CDH12: variants seen among roughly 807,000 people sequenced by gnomAD.
CDH12 encodes cadherin 12, also known as cadherin-12.
In CDH12, 41 loss-of-function variants were observed where a neutral mutation model predicts 74.1. The observed-to-expected ratio is 0.55, with a 90% confidence interval of 0.43 to 0.72. The LOEUF is 0.72. CDH12 is among the 30% of genes least tolerant of loss of function. The pLI is 0.00. For missense variants in CDH12, 945 were observed against 977.2 expected (o/e 0.97, Z 0.44); for synonymous variants, 399 against 355.0 (o/e 1.12, Z -1.39).
intron 6 of CDH12, among the ~76,000 whole-genome samples, chr5:21,960,079 C>T (rs1756287836): frequency 1.3e-5 from 2 of 152,086 alleles, no homozygotes; most frequent in African/African-American, 4.8e-5. Flanking sequence ...GGCTCCCACA[C>T]AATAATAGTA....
At chr5:22,231,293 A>C (rs1313260201) in intron 3 of CDH12, among the ~76,000 whole-genome samples, 1 of 152,122 alleles carries the variant, frequency 6.6e-6, no homozygotes, top group South Asian at 2.1e-4. Flanking sequence ...ATTGGCTCAA[A>C]TTTATTCCCA....
intron 2 of CDH12, among the ~76,000 whole-genome samples, chr5:22,495,980 C>T (rs544385471): frequency 6.6e-6 from 1 of 152,140 alleles, no homozygotes; most frequent in Admixed American, 6.6e-5. Flanking sequence ...ACTGTTCTAA[C>T]TTTCAGAAAT....
intron 6 of CDH12, among the ~76,000 whole-genome samples, chr5:21,954,480 T>C (rs937505534): frequency 6.6e-6 from 1 of 152,132 alleles, no homozygotes; most frequent in African/African-American, 2.4e-5. Flanking sequence ...ATCCTGACTT[T>C]ATTCTTTATG....
intron 5 of CDH12, among the ~76,000 whole-genome samples, chr5:21,993,056 G>C (rs548373410): frequency 6.6e-6 from 1 of 152,188 alleles, no homozygotes; most frequent in South Asian, 2.1e-4. Flanking sequence ...AGAACGATGA[G>C]GGGGACATCT....
chr5:22,059,269 A>ATCTG (rs968260296), intron 5 of CDH12, among the ~76,000 whole-genome samples: 7 of 150,434 alleles, frequency 4.7e-5, no homozygotes. Flanking sequence ...CTATCTATCT[A>ATCTG]TCTATCTATC....
Position 22,099,082 on chromosome 5 carries a change from C to A in CDH12, c.-186-20220G>T, listed in dbSNP as rs56377560. ...TGGCAAATTAGCTTTACTCAACATG[C>A]CCCAAGTCAGAAAACTAAAATACCT... On this transcript the variant is annotated intron_variant, in intron 4 of 14. Transcript: ENST00000382254. Among the ~76,000 whole-genome samples, 1,288 of 152,218 alleles carry A rather than the reference C, an allele frequency of 8.5e-3. 9 individuals are homozygous for A. The highest frequency in any genetic ancestry group is 0.017 in the East Asian group (86 of 5,158).
intron 2 of CDH12, among the ~76,000 whole-genome samples, chr5:22,445,214 A>C (rs950781803): frequency 2.0e-5 from 3 of 152,108 alleles, no homozygotes; most frequent in Non-Finnish European, 4.4e-5. Context: ...TTTCTTCAGA[A>C]TGCTGAACCT....
Position 22,281,236 on chromosome 5 carries a change from G to A in CDH12, c.-332-68593C>T, listed in dbSNP as rs145896679. On this transcript the variant is annotated intron_variant, in intron 3 of 14. Transcript: ENST00000382254. ...GTGGGACGTTATCTCAAAATAATAA[G>A]AGCTATTTATGACAAACCCACAGCC... Among the ~76,000 whole-genome samples, 1,102 of 152,186 alleles carry A rather than the reference G, an allele frequency of 7.2e-3. 16 individuals are homozygous for A. Among genetic ancestry groups the A allele is most frequent in the African/African-American group, 0.026 (1,059 of 41,508 alleles).
chr5:22,218,522 T>C (rs1751902336), intron 3 of CDH12, among the ~76,000 whole-genome samples: 1 of 151,668 alleles, frequency 6.6e-6, no homozygotes, highest in South Asian at 2.1e-4. Flanking sequence ...AATTAAAAAA[T>C]ATGGAAATTT....
At chr5:21,780,405 C>A (rs1745839616) in intron 11 of CDH12, among the ~76,000 whole-genome samples, 2 of 152,212 alleles carry the variant, frequency 1.3e-5, no homozygotes, top group South Asian at 4.2e-4. Context: ...TGAGTGTCTT[C>A]AATCCCATAA....
intron 8 of CDH12, among the ~76,000 whole-genome samples, chr5:21,825,823 GT>G (rs1174306284): frequency 6.6e-6 from 1 of 152,130 alleles, no homozygotes; most frequent in African/African-American, 2.4e-5. Context: ...TACTATCATA[GT>G]TTCCTCCCAC....
intron 4 of CDH12, chr5:22,143,045 A>G (rs907066403): frequency 5.7e-6 from 1 of 176,122 alleles, no homozygotes; most frequent in African/African-American, 2.4e-5. Context: ...AGTAGCGTTA[A>G]GATAGATCAG....
At position 22,644,776 on chromosome 5, in the gene CDH12, AG is replaced by A. The variant is rs367583265; in HGVS notation, c.-522-139413del. On this transcript the variant is annotated intron_variant, in intron 1 of 14. Coordinates refer to ENST00000382254, the MANE Select transcript of CDH12 (RefSeq NM_004061.5). ...GCCTGGATTCAGAGCTTCAAAGGACAGGGTGACTCTCTTGTTGGAGGTTAAT... is the reference window on the plus strand; with the variant it reads ...GCCTGGATTCAGAGCTTCAAAGGACAGGTGACTCTCTTGTTGGAGGTTAAT... Among the ~76,000 whole-genome samples the A allele has an allele frequency of 1.5e-3, 234 of 152,160 alleles. 1 individual carries two copies. Among genetic ancestry groups the A allele is most frequent in the African/African-American group, 5.0e-3 (208 of 41,538 alleles).
intron 6 of CDH12, among the ~76,000 whole-genome samples, chr5:21,973,595 G>A (rs1756947065): frequency 6.6e-6 from 1 of 152,142 alleles, no homozygotes; most frequent in Admixed American, 6.6e-5. Flanking sequence ...AGGCATGTGT[G>A]TGTGTTTGCT....
At chr5:21,880,625 T>TTCTCTCTC (rs1375988649) in intron 6 of CDH12, among the ~76,000 whole-genome samples, 1 of 60,472 alleles carries the variant, frequency 1.7e-5, no homozygotes, top group African/African-American at 6.1e-5. Context: ...CCTTCTTTCT[T>TTCTCTCTC]TCTTTCTTTC....
chr5:22,572,648 T>C (rs1453293834), intron 1 of CDH12, among the ~76,000 whole-genome samples: 1 of 152,180 alleles, frequency 6.6e-6, no homozygotes, highest in Non-Finnish European at 1.5e-5. Flanking sequence ...TGTTTCTATA[T>C]TAACATATGA....
At chr5:22,069,272 T>C (rs1741778619) in intron 5 of CDH12, among the ~76,000 whole-genome samples, 1 of 152,110 alleles carries the variant, frequency 6.6e-6, no homozygotes, top group Non-Finnish European at 1.5e-5. Flanking sequence ...AGCAGCTAGC[T>C]TGAAGGGAGG....
chr5:22,831,860 G>T (rs1031712146), intron 1 of CDH12, among the ~76,000 whole-genome samples: 1 of 151,836 alleles, frequency 6.6e-6, no homozygotes, highest in Non-Finnish European at 1.5e-5. Context: ...TTGCACCACC[G>T]CACTCCAGCC....
intron 7 of CDH12, among the ~76,000 whole-genome samples, chr5:21,844,359 A>AC (rs1252385066): frequency 2.0e-5 from 3 of 152,098 alleles, no homozygotes; most frequent in African/African-American, 7.2e-5. Flanking sequence ...CAAAAAAAAA[A>AC]CATACACATA....
Sources: allele counts gnomAD v4.1 joint callset (sites outside exome capture counted in the v4.1 genomes callset), GRCh38; gene constraint gnomAD v4.1.1; transcripts MANE v1.5; gene names NCBI Gene and HGNC (gene_info 2026-07-23, HGNC 2026-07-21).